Variants in DPYSL3 observed in about 807,000 individuals in gnomAD.
DPYSL3 encodes the protein dihydropyrimidinase-related protein 3.
DPYSL3 carries 16 observed loss-of-function variants against 66.1 expected under a neutral mutation model. That is an observed-to-expected ratio of 0.24 (90% confidence interval 0.16 to 0.37). The LOEUF (loss-of-function observed/expected upper bound fraction) is 0.37, where lower values mean the gene tolerates loss of function less well. Among genes scored for constraint, DPYSL3 ranks in the 10% least tolerant of loss-of-function variants. The probability of loss-of-function intolerance (pLI) is 1.00; values close to 1 mark genes in which losing one functional copy is unlikely to be tolerated. For synonymous variants in DPYSL3, 338 were observed against 345.1 expected (o/e 0.98, Z 0.23); for missense variants, 738 against 916.2 (o/e 0.81, Z 2.51).
intron 1 of DPYSL3, among the ~76,000 whole-genome samples, chr5:147,504,993 T>C (rs1409295686): frequency 6.6e-6 from 1 of 152,216 alleles, no homozygotes; most frequent in Non-Finnish European, 1.5e-5. Flanking sequence ...TGAGAAATGA[T>C]GAAAAATAAA....
At chr5:147,399,526 A>T (rs1758109446) in intron 10 of DPYSL3, among the ~76,000 whole-genome samples, 1 of 152,112 alleles carries the variant, frequency 6.6e-6, no homozygotes, top group Non-Finnish European at 1.5e-5. Context: ...TTACTTACTC[A>T]TTTTCTTCTT....
At chr5:147,463,114 G>A (rs1425288214) in intron 1 of DPYSL3, among the ~76,000 whole-genome samples, 1 of 152,140 alleles carries the variant, frequency 6.6e-6, no homozygotes, top group East Asian at 1.9e-4. Context: ...TGAGCAGGTG[G>A]TCTAGTCTCC....
intron 1 of DPYSL3, among the ~76,000 whole-genome samples, chr5:147,438,215 A>C (rs1752450061): frequency 6.6e-6 from 1 of 152,112 alleles, no homozygotes; most frequent in Non-Finnish European, 1.5e-5. Context: ...CTTTCATTGG[A>C]TAGAGAGGTG....
At chr5:147,411,388 C>A (rs1046581738) in intron 6 of DPYSL3, among the ~76,000 whole-genome samples, 3 of 152,170 alleles carry the variant, frequency 2.0e-5, no homozygotes, top group South Asian at 2.1e-4. Flanking sequence ...CACAAGCCTG[C>A]AGCTGGGCTT....
In DPYSL3 at chr5:147,393,550, TA is replaced by T. The variant is rs1757877748; in HGVS notation, c.*484del. Reference sequence around the variant, plus strand: ...AATAACGTACGTCATCAACACAATATACAACACCCCTTCCACTCACCTGACC... The same window carrying T: ...AATAACGTACGTCATCAACACAATATCAACACCCCTTCCACTCACCTGACC... On this transcript the variant is annotated 3_prime_UTR_variant, in exon 14 of 14. Coordinates refer to ENST00000343218, the MANE Select transcript of DPYSL3 (RefSeq NM_001197294.2). 1 of 161,362 alleles carries T rather than the reference TA, an allele frequency of 6.2e-6. No individual in the cohort carries two copies. Among genetic ancestry groups the T allele is most frequent in the Non-Finnish European group, 1.4e-5 (1 of 72,744 alleles). 10.0% of individuals were successfully genotyped at this position (161,362 alleles called of 1,614,324 possible). A position where few individuals can be genotyped will look rare whatever the true frequency, so the allele number is the denominator to read the frequency against.
At chr5:147,412,059 C>T (rs749378159) in intron 6 of DPYSL3, among the ~76,000 whole-genome samples, 4 of 152,144 alleles carry the variant, frequency 2.6e-5, no homozygotes, top group African/African-American at 7.2e-5. Context: ...CTTCCTTCTT[C>T]CTTACAAATG....
At chr5:147,395,493 T>G (rs1478440841) in intron 13 of DPYSL3, 66 bp downstream of exon 13, 3 of 1,535,046 alleles carry the variant, frequency 2.0e-6, no homozygotes, top group Non-Finnish European at 2.6e-6. Context: ...GAACACCCTG[T>G]GGCCTCAGAA....
At chr5:147,453,827 C>A (rs1173226377) in intron 1 of DPYSL3, 1 of 1,089,906 alleles carries the variant, frequency 9.2e-7, no homozygotes, top group African/African-American at 1.7e-5. Flanking sequence ...CTCCTCCACC[C>A]GCGTTCACGC....
chr5:147,426,941 CA>C (rs1395819174), intron 1 of DPYSL3, among the ~76,000 whole-genome samples: 2 of 152,164 alleles, frequency 1.3e-5, no homozygotes, highest in Non-Finnish European at 2.9e-5. Context: ...CCTATGAGGT[CA>C]AATACAAAGG....
At position 147,436,800 on chromosome 5, in the gene DPYSL3, G is replaced by A. The variant is rs372885442; in HGVS notation, c.382-11837C>T. Among the ~76,000 whole-genome samples, 29 of 152,306 alleles carry A rather than the reference G, an allele frequency of 1.9e-4. No individual in the cohort carries two copies. In the East Asian group the frequency reaches 4.1e-3, roughly 21 times the overall value. On this transcript the variant is annotated intron_variant, in intron 1 of 13. Coordinates refer to ENST00000343218, the MANE Select transcript of DPYSL3 (RefSeq NM_001197294.2). ...AAGGGAAAGTGACGCAGATGCAGACGTGCCAAACCAGACTGAGTTTTAAAG... is the reference window on the plus strand; with the variant it reads ...AAGGGAAAGTGACGCAGATGCAGACATGCCAAACCAGACTGAGTTTTAAAG...
At chr5:147,426,716 C>T (rs1561783764) in intron 1 of DPYSL3, among the ~76,000 whole-genome samples, 1 of 152,206 alleles carries the variant, frequency 6.6e-6, no homozygotes, top group African/African-American at 2.4e-5. Flanking sequence ...AACCAGCTGA[C>T]TTCTGGCTTC....
chr5:147,444,801 T>C (rs1036584842), intron 1 of DPYSL3, among the ~76,000 whole-genome samples: 2 of 152,106 alleles, frequency 1.3e-5, no homozygotes, highest in Non-Finnish European at 2.9e-5. Context: ...TGCAGTGGGG[T>C]AAGAGACTAA....
In DPYSL3 at chr5:147,405,733, G is replaced by T; in HGVS notation, c.1033-3C>A. 1 of 1,607,534 alleles carries T rather than the reference G, an allele frequency of 6.2e-7. No individual in the cohort carries two copies. The highest frequency in any genetic ancestry group is 8.5e-7 in the Non-Finnish European group (1 of 1,177,702). ...CGGAACACAGCCTCAGCTTCCAGCT[G>T]CAAGAAAAAGTCTCCAGGAGTCAAT... On this transcript the variant is annotated splice_polypyrimidine_tract_variant and splice_region_variant and intron_variant, in intron 7 of 13. Coordinates refer to ENST00000343218, the MANE Select transcript of DPYSL3 (RefSeq NM_001197294.2).
intron 1 of DPYSL3, among the ~76,000 whole-genome samples, chr5:147,485,383 C>T (rs575720542): frequency 1.3e-5 from 2 of 152,110 alleles, no homozygotes; most frequent in African/African-American, 4.8e-5. Flanking sequence ...AAGGGCCAAG[C>T]GACTAAATAA....
intron 7 of DPYSL3, among the ~76,000 whole-genome samples, chr5:147,408,343 T>C (rs554008338): frequency 3.9e-5 from 6 of 152,316 alleles, no homozygotes; most frequent in Admixed American, 6.5e-5. Flanking sequence ...CTTATACAAA[T>C]TGATGAGTAT....
At chr5:147,471,636 A>G (rs1323718614) in intron 1 of DPYSL3, among the ~76,000 whole-genome samples, 1 of 152,152 alleles carries the variant, frequency 6.6e-6, no homozygotes, top group Non-Finnish European at 1.5e-5. Context: ...TTTGGACATA[A>G]AGGCACTTCT....
rs916218295 is a variant in DPYSL3, at chr5:147,399,358, A to G, written c.1453-106T>C. The stretch of plus-strand genomic sequence containing the variant: ...ACCCACAAAGGCATAGAAATACAAA[A>G]AGGAGCCACCTGAAAAGCTGGTGAG... On this transcript the variant is annotated intron_variant, in intron 10 of 13. Coordinates refer to ENST00000343218, the MANE Select transcript of DPYSL3 (RefSeq NM_001197294.2). 7.6e-6 allele frequency: 10 copies of G among 1,312,308 alleles called. No homozygotes were observed. The African/African-American group carries it at 1.4e-4, about 18-fold the overall frequency. The allele number at this position is 1,312,308 out of a possible 1,614,324, so 81.3% of individuals were successfully genotyped here.
intron 1 of DPYSL3, among the ~76,000 whole-genome samples, chr5:147,502,645 C>T (rs1158436782): frequency 6.9e-6 from 1 of 145,074 alleles, no homozygotes; most frequent in African/African-American, 2.6e-5. Flanking sequence ...GGCGCAGTCT[C>T]GGCTCACTGC....
Position 147,414,801 on chromosome 5 carries a change from T to C in DPYSL3, c.820+908A>G, listed in dbSNP as rs975416194. 4.6e-5 allele frequency among the ~76,000 whole-genome samples: 7 copies of C among 152,126 alleles called. No individual in the cohort carries two copies. The East Asian group carries it at 1.2e-3, about 25-fold the overall frequency. On this transcript the variant is annotated intron_variant, in intron 4 of 13. Transcript: ENST00000343218. ...TATCATCCTCTGAGGGGGTCATCCT[T>C]TCCCTGCCATCCCAGGGCACACTCT...
Sources: allele counts gnomAD v4.1 joint callset (sites outside exome capture counted in the v4.1 genomes callset), GRCh38; gene constraint gnomAD v4.1.1; transcripts MANE v1.5; gene names NCBI Gene and HGNC (gene_info 2026-07-23, HGNC 2026-07-21).